Variants in CABIN1 observed in about 807,000 individuals in gnomAD.
CABIN1 encodes the protein calcineurin binding protein 1, also known as calcineurin-binding protein cabin-1.
CABIN1 carries 133 observed loss-of-function variants against 227.7 expected under a neutral mutation model. That is an observed-to-expected ratio of 0.58 (90% CI 0.51 to 0.67). The LOEUF (loss-of-function observed/expected upper bound fraction) is 0.67. CABIN1 is among the 30% of genes least tolerant of loss of function. The pLI, the probability that CABIN1 is intolerant of heterozygous loss-of-function variation, is 0.00. For missense variants in CABIN1, 2,408 were observed against 2,852.5 expected (o/e 0.84, Z 3.55); for synonymous variants, 1,086 against 1,155.1 (o/e 0.94, Z 1.21).
chr22:24,103,398 T>C (rs1311798086), intron 26 of CABIN1: 1 of 152,192 alleles, frequency 6.6e-6, no homozygotes, highest in Non-Finnish European at 1.5e-5. Context: ...GGTGTAAAAA[T>C]GCAAATTGTG....
At chr22:24,021,981 G>C (rs1017608880) in intron 1 of CABIN1, among the ~76,000 whole-genome samples, 1 of 152,154 alleles carries the variant, frequency 6.6e-6, no homozygotes, top group African/African-American at 2.4e-5. Context: ...CACCGTGCCC[G>C]GCCAGCATAT....
At chr22:24,032,890 A>C (rs1365268716) in intron 1 of CABIN1, among the ~76,000 whole-genome samples, 8 of 152,174 alleles carry the variant, frequency 5.3e-5, no homozygotes, top group Admixed American at 5.2e-4. Flanking sequence ...CAGCCTGGCC[A>C]ACATGGTGAA....
intron 24 of CABIN1, among the ~76,000 whole-genome samples, chr22:24,094,842 A>AAAAG (rs1569205909): frequency 2.7e-5 from 4 of 148,672 alleles, no homozygotes; most frequent in African/African-American, 2.5e-5. Flanking sequence ...AAAAAAAAAA[A>AAAAG]AAAGAAACAA....
chr22:24,158,831 A>T (rs979442099), intron 29 of CABIN1, among the ~76,000 whole-genome samples: 8 of 152,200 alleles, frequency 5.3e-5, no homozygotes, highest in African/African-American at 1.9e-4. Flanking sequence ...TATCTGTGGC[A>T]TAAACTCTCC....
At position 24,177,972 on chromosome 22, in the gene CABIN1, G is replaced by A; in HGVS notation, c.6520-81G>A. The A allele has an allele frequency of 6.2e-7, 1 of 1,603,110 alleles. No individual in the cohort carries two copies. Among genetic ancestry groups the A allele is most frequent in the Non-Finnish European group, 8.5e-7 (1 of 1,176,102 alleles). ...GGGGTGAGGGTGGGAGGGGGGCCTG[G>A]GGCAGGGGTGAAGGTGGCAGAGGGG... On this transcript the variant is annotated intron_variant, in intron 36 of 36. Coordinates refer to ENST00000263119, the MANE Select transcript of CABIN1 (RefSeq NM_012295.4). This position sits in a 1 kb window ranked among gnomAD's most constrained non-coding sequence, Gnocchi z 4.4.
At chr22:24,071,745 C>T (rs543684092) in intron 17 of CABIN1, among the ~76,000 whole-genome samples, 2 of 152,290 alleles carry the variant, frequency 1.3e-5, no homozygotes, top group East Asian at 1.9e-4. Context: ...CCTTCATGTT[C>T]CCTCCAGGTT....
intron 29 of CABIN1, among the ~76,000 whole-genome samples, chr22:24,139,707 A>G (rs952723720): frequency 1.3e-5 from 2 of 152,258 alleles, no homozygotes; most frequent in East Asian, 1.9e-4. Flanking sequence ...GGGTGGACAC[A>G]TGTATGGGCC....
At chr22:24,019,488 C>G (rs940163173) in intron 1 of CABIN1, among the ~76,000 whole-genome samples, 10 of 151,192 alleles carry the variant, frequency 6.6e-5, no homozygotes, top group African/African-American at 1.9e-4. Context: ...CTGCTGACCT[C>G]AAGCAATCCA....
chr22:24,133,283 C>T (rs753077714), intron 28 of CABIN1, among the ~76,000 whole-genome samples: 4 of 152,220 alleles, frequency 2.6e-5, no homozygotes, highest in African/African-American at 9.6e-5. Flanking sequence ...ATGGGCCCCA[C>T]AGCCAGCGAG....
rs200436672 is a variant in CABIN1, at chr22:24,054,969, G to A, written c.903G>A (p.Ser301=). ...RPSLGKRIDL[S]DYQDPSQPLE... is the part of the protein sequence containing the mutation. ...GCCTTGGCAAAAGGATTGATTTGTCGGACTACCAGGACCCCAGCCAGCCTC... is the reference window on the plus strand; with the variant it reads ...GCCTTGGCAAAAGGATTGATTTGTCAGACTACCAGGACCCCAGCCAGCCTC... Residue 301 remains serine (S), a synonymous_variant, in exon 9 of 37, where the codon TCG becomes TCA. Coordinates refer to ENST00000263119, the MANE Select transcript of CABIN1 (RefSeq NM_012295.4). 9.3e-5 allele frequency: 150 copies of A among 1,614,176 alleles called. No homozygotes were observed. In the East Asian group the frequency reaches 1.1e-3, roughly 12 times the overall value.
Position 24,119,404 on chromosome 22 carries a change from C to T in CABIN1, c.4338C>T (p.Phe1446=). Residue 1446 remains phenylalanine, a synonymous_variant, in exon 28 of 37, where the codon TTC becomes TTT. Transcript: ENST00000263119. The part of the protein sequence containing the change: ...NEESLESTEG[F]RAAEQGVQKP... ...AGTCATTGGAGAGTACAGAAGGCTT[C>T]CGGGCTGCAGAGCAAGGTGTCCAGA... 1 of 1,614,038 alleles carries T rather than the reference C, an allele frequency of 6.2e-7. No homozygotes were observed. Among genetic ancestry groups the T allele is most frequent in the Non-Finnish European group, 8.5e-7 (1 of 1,180,038 alleles).
Position 24,063,116 on chromosome 22 carries a change from C to G in CABIN1, c.1854C>G (p.Tyr618Ter). The G allele has an allele frequency of 6.2e-7, 1 of 1,614,180 alleles. No homozygotes were observed. Among genetic ancestry groups the G allele is most frequent in the Non-Finnish European group, 8.5e-7 (1 of 1,180,032 alleles). The change falls in exon 14 of 37, where the codon TAC becomes TAG. Residue 618 changes from tyrosine (Y) to a stop codon, truncating the protein, a stop_gained. Transcript: ENST00000263119. LOFTEE classifies it high-confidence loss of function. ...GGCTGGAGTTTGTGGTCCGTGTTTA[C>G]TGGCTGAAGGCTCGCTTCCTGGCGC... ...DGWLEFVVRV[Y>*]WLKARFLALQ...
chr22:24,012,583 G>C (rs1289660896), intron 1 of CABIN1, among the ~76,000 whole-genome samples: 1 of 152,162 alleles, frequency 6.6e-6, no homozygotes, highest in Non-Finnish European at 1.5e-5. Flanking sequence ...GCTGAGGTCT[G>C]AAGGTGTGCT....
chr22:24,030,205 T>A (rs2036399393), intron 1 of CABIN1, among the ~76,000 whole-genome samples: 1 of 152,222 alleles, frequency 6.6e-6, no homozygotes, highest in East Asian at 1.9e-4. Context: ...GCATCAGTTG[T>A]GGCTCTTAGC....
chr22:24,095,491 G>C (rs2041836189), intron 24 of CABIN1, among the ~76,000 whole-genome samples: 1 of 151,702 alleles, frequency 6.6e-6, no homozygotes, highest in African/African-American at 2.4e-5. Flanking sequence ...TTGCCTGGGG[G>C]CTGGGCTATA....
At chr22:24,134,706 G>T (rs2044284437) in intron 29 of CABIN1, among the ~76,000 whole-genome samples, 1 of 152,186 alleles carries the variant, frequency 6.6e-6, no homozygotes, top group Admixed American at 6.5e-5. Context: ...GTGATGACAG[G>T]GGTACAGGCC....
chr22:24,109,380 T>C (rs1383966239), intron 26 of CABIN1, among the ~76,000 whole-genome samples: 1 of 151,818 alleles, frequency 6.6e-6, no homozygotes, highest in Non-Finnish European at 1.5e-5. Flanking sequence ...TAATTTTTTT[T>C]TTTTTTTAAT....
rs750244417 is a variant in CABIN1 at position 24,098,087 on chromosome 22, CCCT to C, written c.4020_4022del (p.Ser1341del). On this transcript the variant is annotated inframe_deletion, in exon 26 of 37. Coordinates refer to ENST00000263119, the MANE Select transcript of CABIN1 (RefSeq NM_012295.4). Reference sequence around the variant, plus strand: ...ACTGCCGGGCCCCGGAGCCTCCCTCCCCTCCTCCTCTGGCCCAGGTCTGACATC... The same window carrying C: ...ACTGCCGGGCCCCGGAGCCTCCCTCCCCTCCTCTGGCCCAGGTCTGACATC... The C allele has an allele frequency of 1.5e-5, 25 of 1,614,062 alleles. No individual in the cohort carries two copies. The Admixed American group carries it at 3.3e-4, about 22-fold the overall frequency.
At chr22:24,124,121 A>C (rs1011051149) in intron 28 of CABIN1, among the ~76,000 whole-genome samples, 1 of 152,262 alleles carries the variant, frequency 6.6e-6, no homozygotes, top group African/African-American at 2.4e-5. Context: ...ACCTGGGTTC[A>C]GATCCTCGCT....
Sources: gnomAD v4.1 joint callset for allele counts (sites outside exome capture counted in the v4.1 genomes callset) on GRCh38, gnomAD v4.1.1 for gene constraint, Gnocchi (gnomAD v3.1) non-coding constraint, MANE v1.5 for transcripts, NCBI Gene and HGNC (gene_info 2026-07-23, HGNC 2026-07-21) for gene names.